Variants in NIF3L1 observed in about 807,000 individuals in gnomAD.
NIF3L1 encodes NIF3-like protein 1.
NIF3L1 carries 26 observed loss-of-function variants against 35.0 expected under a neutral mutation model. That is an observed-to-expected ratio of 0.74 (90% CI 0.54 to 1.03). The LOEUF (loss-of-function observed/expected upper bound fraction) is 1.03, where lower values mean the gene tolerates loss of function less well. Ranked by LOEUF, NIF3L1 falls within the 50% of genes least tolerant of loss-of-function variation. The probability of loss-of-function intolerance (pLI) is 0.00; values close to 1 mark genes in which losing one functional copy is unlikely to be tolerated. For missense variants in NIF3L1, 449 were observed against 466.3 expected, an observed-to-expected ratio of 0.96 and a Z score of 0.34; for synonymous variants, 157 against 178.9, an observed-to-expected ratio of 0.88 and a Z score of 0.98.
Position 200,903,826 on chromosome 2 carries a change from T to C in NIF3L1, c.*148T>C. The stretch of plus-strand genomic sequence containing the variant: ...TTTGTTAATCTTATTCACCAAATGT[T>C]CTATCGCTCGTAAGGTAAAACTGTA... On this transcript the variant is annotated 3_prime_UTR_variant, in exon 7 of 7. Coordinates refer to ENST00000409020, the MANE Select transcript of NIF3L1 (RefSeq NM_001369441.2). The C allele has an allele frequency of 1.5e-6, 1 of 686,030 alleles. No homozygotes were observed. Among genetic ancestry groups the C allele is most frequent in the Admixed American group, 2.2e-5 (1 of 46,282 alleles). The allele number at this position is 686,030 out of a possible 1,614,324, so 42.5% of individuals were successfully genotyped here. A position where few individuals can be genotyped will look rare whatever the true frequency, so the allele number is the denominator to read the frequency against.
intron 5 of NIF3L1, among the ~76,000 whole-genome samples, chr2:200,898,737 G>A (rs143814825): frequency 2.6e-5 from 4 of 152,280 alleles, no homozygotes; most frequent in Non-Finnish European, 5.9e-5. Flanking sequence ...ATTTTGGCTC[G>A]AAAGTTGCTG....
chr2:200,899,220 T>C, intron 5 of NIF3L1, 165 bp from the exon 6 acceptor site: 1 of 467,860 alleles, frequency 2.1e-6, no homozygotes, highest in East Asian at 3.2e-5. Context: ...CCTGTTTGCT[T>C]ATATTAAAAC....
chr2:200,895,472 T>C, intron 4 of NIF3L1, 82 bp downstream of exon 4: 2 of 1,381,676 alleles, frequency 1.4e-6, no homozygotes, highest in Non-Finnish European at 2.0e-6. Context: ...ATTGATATAC[T>C]TAGGTATATT....
Position 200,903,876 on chromosome 2 carries a change from A to G in NIF3L1, c.*198A>G, listed in dbSNP as rs1179190162. 1.7e-6 allele frequency: 1 copy of G among 586,314 alleles called. No individual in the cohort carries two copies. The highest frequency in any genetic ancestry group is 1.9e-5 in the African/African-American group (1 of 53,612). 36.3% of individuals were successfully genotyped at this position (586,314 alleles called of 1,614,324 possible). Reference sequence around the variant, plus strand: ...AATATAACTACCATATTAAATAACAAATGTTCATTATAAACTCTAGGAAAG... The same window carrying G: ...AATATAACTACCATATTAAATAACAGATGTTCATTATAAACTCTAGGAAAG... On this transcript the variant is annotated 3_prime_UTR_variant, in exon 7 of 7. Transcript: ENST00000409020.
At chr2:200,899,990 T>G (rs1209763979) in intron 6 of NIF3L1, among the ~76,000 whole-genome samples, 1 of 152,208 alleles carries the variant, frequency 6.6e-6, no homozygotes, top group African/African-American at 2.4e-5. Context: ...CTTCAGTGAT[T>G]TCCTTCATCT....
In NIF3L1 at chr2:200,903,583, C is replaced by G. The variant is rs1317317979; in HGVS notation, c.1039C>G (p.Leu347Val). Reference sequence around the variant, plus strand: ...ACACAGCAACACTGAACGAGGCTTTCTTTCTGACCTTCGAGATATGCTGGA... The same window carrying G: ...ACACAGCAACACTGAACGAGGCTTTGTTTCTGACCTTCGAGATATGCTGGA... ...CEHSNTERGF[L>V]SDLRDMLDSH... Residue 347 changes from leucine to valine, a missense_variant, in exon 7 of 7, where the codon CTT (leucine) becomes GTT (valine). Physicochemically the swap from Leu to Val is conservative, Grantham distance 32. Transcript: ENST00000409020. 3.7e-6 allele frequency: 6 copies of G among 1,613,880 alleles called. No individual in the cohort carries two copies. The African/African-American group carries it at 5.3e-5, about 14-fold the overall frequency.
In NIF3L1 at chr2:200,891,999, T is replaced by C. The variant is rs1315772771; in HGVS notation, c.56T>C (p.Leu19Pro). ...VPTTVRFVDS[L>P]ICNSSRSFMD... ...ACGACAGTCCGGTTTGTAGATTCCC[T>C]GATCTGCAATTCTTCCCGTTCCTTC... Residue 19 changes from leucine (L) to proline (P), a missense_variant, in exon 2 of 7, where the codon CTG becomes CCG. Leu to Pro is a moderately conservative substitution (Grantham distance 98). Coordinates refer to ENST00000409020, the MANE Select transcript of NIF3L1 (RefSeq NM_001369441.2). 6.2e-7 allele frequency: 1 copy of C among 1,614,026 alleles called. No individual in the cohort carries two copies. The highest frequency in any genetic ancestry group is 1.3e-5 in the African/African-American group (1 of 74,940).
chr2:200,891,083 C>T (rs1007057813), intron 1 of NIF3L1, among the ~76,000 whole-genome samples: 6 of 151,948 alleles, frequency 3.9e-5, no homozygotes, highest in Non-Finnish European at 8.8e-5. Context: ...GTCAGCCTCC[C>T]GAGTAGCTGG....
intron 3 of NIF3L1, among the ~76,000 whole-genome samples, chr2:200,893,681 A>G (rs898265861): frequency 6.6e-6 from 1 of 152,146 alleles, no homozygotes; most frequent in African/African-American, 2.4e-5. Flanking sequence ...ATGTTCAAAG[A>G]TAGTTGTTTT....
chr2:200,894,959 G>C (rs989439385), intron 3 of NIF3L1, among the ~76,000 whole-genome samples: 4 of 152,094 alleles, frequency 2.6e-5, no homozygotes, highest in African/African-American at 9.7e-5. Context: ...AGCAACATCA[G>C]CATCACCTGG....
Position 200,891,943 on chromosome 2 carries a change from T to C in NIF3L1, c.-1T>C. Reference sequence around the variant, plus strand: ...AAACTTGAACTTTACCTGATTTCTGTATGTTGTCATCTTGCGTACGCCCAG... The same window carrying C: ...AAACTTGAACTTTACCTGATTTCTGCATGTTGTCATCTTGCGTACGCCCAG... On this transcript the variant is annotated 5_prime_UTR_variant, in exon 2 of 7. Transcript: ENST00000409020. 6.3e-7 allele frequency: 1 copy of C among 1,595,666 alleles called. No homozygotes were observed. The highest frequency in any genetic ancestry group is 8.6e-7 in the Non-Finnish European group (1 of 1,169,232).
Position 200,893,299 on chromosome 2 carries a change from G to T in NIF3L1, c.490G>T (p.Glu164Ter). Residue 164 changes from glutamate (E) to a stop codon, truncating the protein, a stop_gained, in exon 3 of 7, where the codon GAG becomes TAG. Coordinates refer to ENST00000409020, the MANE Select transcript of NIF3L1 (RefSeq NM_001369441.2). LOFTEE classifies it high-confidence loss of function. Reference protein sequence around the residue: ...HPSKAPNYPTEGNHRVEFNVN... With the variant: ...HPSKAPNYPT The stretch of plus-strand genomic sequence containing the variant: ...TTCCAAAGCTCCCAACTACCCTACA[G>T]AGGGAAACCACCGAGTAGAATTCAA... 6.2e-7 allele frequency: 1 copy of T among 1,607,044 alleles called. No individual in the cohort carries two copies. Among genetic ancestry groups the T allele is most frequent in the Non-Finnish European group, 8.5e-7 (1 of 1,176,072 alleles).
At chr2:200,897,394 T>C (rs2040336499) in intron 5 of NIF3L1, among the ~76,000 whole-genome samples, 180 bp downstream of exon 5, 1 of 152,124 alleles carries the variant, frequency 6.6e-6, no homozygotes, top group Admixed American at 6.6e-5. Flanking sequence ...ATTGACTTAA[T>C]CAATGAGATT....
chr2:200,890,844 G>A (rs1255810395), intron 1 of NIF3L1, among the ~76,000 whole-genome samples: 1 of 152,060 alleles, frequency 6.6e-6, no homozygotes, highest in African/African-American at 2.4e-5. Flanking sequence ...GTTGCTTAAG[G>A]GGCAGTGGCT....
rs981027261 is a variant in NIF3L1 at position 200,899,325 on chromosome 2, A to G, written c.866-60A>G. The G allele has an allele frequency of 3.1e-6, 4 of 1,290,718 alleles. No homozygotes were observed. In the African/African-American group the frequency reaches 4.4e-5, roughly 14 times the overall value. 80.0% of individuals were successfully genotyped at this position (1,290,718 alleles called of 1,614,324 possible). On this transcript the variant is annotated intron_variant, in intron 5 of 6. Transcript: ENST00000409020. ...ATGTTTAGGATTCTTGGTACAAATT[A>G]TAATAGTAAAATGAAAGGGAATTGT...
At chr2:200,895,191 T>C (rs1263427005) in intron 3 of NIF3L1, 73 bp from the exon 4 acceptor site, 4 of 1,428,888 alleles carry the variant, frequency 2.8e-6, no homozygotes, top group African/African-American at 1.4e-5. Context: ...TTATAGTAGG[T>C]TTGTAAACTG....
At chr2:200,899,060 A>G (rs771324183) in intron 5 of NIF3L1, 13 of 245,408 alleles carry the variant, frequency 5.3e-5, no homozygotes, top group Non-Finnish European at 8.1e-5. Flanking sequence ...ATTGGATGAT[A>G]TAGATTAGCA....
chr2:200,899,390 C>G lies in NIF3L1; in HGVS notation c.871C>G (p.Gln291Glu). 1 of 1,613,686 alleles carries G rather than the reference C, an allele frequency of 6.2e-7. No individual in the cohort carries two copies. The highest frequency in any genetic ancestry group is 8.5e-7 in the Non-Finnish European group (1 of 1,179,668). Reference protein sequence around the residue: ...ALGVGRTLESQVKVVALCAGS... With the variant: ...ALGVGRTLESEVKVVALCAGS... ...TTGTTTCCTCTGTTTTGAAGAGTCT[C>G]AAGTCAAAGTCGTGGCCCTGTGTGC... Residue 291 changes from glutamine to glutamate, a missense_variant, in exon 6 of 7, where the codon CAA becomes GAA. By Grantham distance (29) the Gln-to-Glu change is conservative. Coordinates refer to ENST00000409020, the MANE Select transcript of NIF3L1 (RefSeq NM_001369441.2).
chr2:200,893,179 T>C (rs1308077257), intron 2 of NIF3L1, 67 bp from the exon 3 acceptor site: 119 of 1,285,550 alleles, frequency 9.3e-5, no homozygotes, highest in Non-Finnish European at 1.3e-4. Context: ...TTGCCTATAA[T>C]AGTTTACTTT....
Sources: allele counts gnomAD v4.1 joint callset (sites outside exome capture counted in the v4.1 genomes callset), GRCh38; gene constraint gnomAD v4.1.1; transcripts MANE v1.5; gene names NCBI Gene and HGNC (gene_info 2026-07-23, HGNC 2026-07-21).